The following INTS7 variants were observed in gnomAD, a reference collection of about 807,000 sequenced individuals.
INTS7 encodes integrator complex subunit 7, also known as chromosome 1 open reading frame 73.
INTS7 carries 46 observed loss-of-function variants against 109.2 expected under a neutral mutation model. That is an observed-to-expected ratio of 0.42 (90% CI 0.33 to 0.54). The LOEUF is 0.54. Ranked by LOEUF, INTS7 falls within the 20% of genes least tolerant of loss-of-function variation. INTS7 has a pLI of 0.07. For synonymous variants in INTS7, 412 were observed against 402.9 expected (o/e 1.02, Z -0.27); for missense variants, 929 against 1,132.4 (o/e 0.82, Z 2.58).
intron 3 of INTS7, among the ~76,000 whole-genome samples, chr1:212,019,406 G>A (rs944701203): frequency 6.6e-6 from 1 of 152,130 alleles, no homozygotes; most frequent in African/African-American, 2.4e-5. Flanking sequence ...CAAGAAGGAA[G>A]AACTGATTCC....
At chr1:211,973,388 A>G (rs750519164) in intron 13 of INTS7, among the ~76,000 whole-genome samples, 1 of 152,276 alleles carries the variant, frequency 6.6e-6, no homozygotes, top group South Asian at 2.1e-4. Context: ...AAGAAATAAG[A>G]CAACTCTATC....
chr1:211,970,459 A>C (rs1221023157), intron 13 of INTS7, among the ~76,000 whole-genome samples: 1 of 152,248 alleles, frequency 6.6e-6, no homozygotes, highest in Non-Finnish European at 1.5e-5. Flanking sequence ...ATACTATCTC[A>C]CATTAGTCTT....
chr1:211,940,564 A>G lies in INTS7; in HGVS notation c.*1260T>C, dbSNP rs931141940. The G allele has an allele frequency of 2.6e-5, 4 of 152,172 alleles. No individual in the cohort carries two copies. Among genetic ancestry groups the G allele is most frequent in the African/African-American group, 7.2e-5 (3 of 41,450 alleles). 9.4% of individuals were successfully genotyped at this position (152,172 alleles called of 1,614,324 possible). A position where few individuals can be genotyped will look rare whatever the true frequency, so the allele number is the denominator to read the frequency against. On this transcript the variant is annotated 3_prime_UTR_variant, in exon 20 of 20. Transcript: ENST00000366994. ...ATCCTGAAGCCCTAAATGATCCCCAATCAAAAAGCAGTTAAGTTATATCTA... is the reference window on the plus strand; with the variant it reads ...ATCCTGAAGCCCTAAATGATCCCCAGTCAAAAAGCAGTTAAGTTATATCTA...
chr1:211,973,137 G>T (rs949711999), intron 13 of INTS7, among the ~76,000 whole-genome samples: 3 of 152,048 alleles, frequency 2.0e-5, no homozygotes, highest in Non-Finnish European at 4.4e-5. Flanking sequence ...GTAGAGACGG[G>T]GTTTTCCAAC....
At chr1:212,028,556 G>A (rs745613050) in intron 1 of INTS7, among the ~76,000 whole-genome samples, 8 of 152,168 alleles carry the variant, frequency 5.3e-5, no homozygotes, top group Non-Finnish European at 1.2e-4. Context: ...AACCTTGGAT[G>A]TGAATTTAAA....
chr1:212,016,152 C>T (rs1666432442), intron 4 of INTS7, among the ~76,000 whole-genome samples: 1 of 152,140 alleles, frequency 6.6e-6, no homozygotes, highest in Non-Finnish European at 1.5e-5. Flanking sequence ...TTACAAGTAA[C>T]ACTACAACCA....
chr1:211,990,549 T>C (rs185360236), intron 7 of INTS7, among the ~76,000 whole-genome samples: 347 of 152,276 alleles, frequency 2.3e-3, no homozygotes, highest in African/African-American at 7.3e-3. Flanking sequence ...TTTTTTGTCA[T>C]ATACATGAAT....
At chr1:211,943,298 CTT>C (rs1662711763) in intron 19 of INTS7, among the ~76,000 whole-genome samples, 1 of 151,568 alleles carries the variant, frequency 6.6e-6, no homozygotes, top group South Asian at 2.1e-4. Context: ...ATCAATGCCT[CTT>C]GAGAGGTAGG....
In INTS7 at chr1:211,997,531, A is replaced by AG. The variant is rs1665457364; in HGVS notation, c.879+9107_879+9108insC. ...GAGTGAAACCTATCTCCAAACAGAA[A>AG]AAAAAAAAAAAAAAAAAAAGGGAGA... On this transcript the variant is annotated intron_variant, in intron 7 of 19. Transcript: ENST00000366994. Among the ~76,000 whole-genome samples, 3 of 142,068 alleles carry AG rather than the reference A, an allele frequency of 2.1e-5. No homozygotes were observed. The South Asian group carries it at 6.5e-4, about 31-fold the overall frequency. The allele number at this position is 142,068 out of a possible 152,430, so 93.2% of individuals were successfully genotyped here.
chr1:211,951,785 T>C (rs1419613250), intron 17 of INTS7, among the ~76,000 whole-genome samples: 1 of 152,234 alleles, frequency 6.6e-6, no homozygotes, highest in Non-Finnish European at 1.5e-5. Context: ...GAGAAATAAA[T>C]GTCTGTTGTT....
At chr1:211,987,801 C>A in intron 8 of INTS7, 85 bp downstream of exon 8, 1 of 723,116 alleles carries the variant, frequency 1.4e-6, no homozygotes, top group East Asian at 2.8e-5. Context: ...GATGTTAAAG[C>A]TTTATAGAAG....
intron 1 of INTS7, among the ~76,000 whole-genome samples, chr1:212,026,759 G>A (rs1666941845): frequency 6.6e-6 from 1 of 152,190 alleles, no homozygotes; most frequent in Non-Finnish European, 1.5e-5. Context: ...ACTGTCAGTA[G>A]CTGAGTTAGA....
At chr1:211,987,649 T>C (rs1401336603) in intron 8 of INTS7, among the ~76,000 whole-genome samples, 1 of 150,606 alleles carries the variant, frequency 6.6e-6, no homozygotes, top group Non-Finnish European at 1.5e-5. Context: ...CACATATAAT[T>C]CAAAAAAAAA....
intron 1 of INTS7, among the ~76,000 whole-genome samples, chr1:212,022,833 T>G (rs1281771455): frequency 6.6e-6 from 1 of 152,216 alleles, no homozygotes; most frequent in African/African-American, 2.4e-5. Flanking sequence ...GGGGTACGCA[T>G]GATCCCATTA....
At chr1:211,965,477 A>G (rs777044726) in intron 16 of INTS7, among the ~76,000 whole-genome samples, 18 of 152,232 alleles carry the variant, frequency 1.2e-4, no homozygotes, top group Non-Finnish European at 2.4e-4. Flanking sequence ...AAATCATTCT[A>G]TCATAAAGAC....
At chr1:211,985,945 AGGTATATGGTACGT>A (rs756198111) in intron 8 of INTS7, among the ~76,000 whole-genome samples, 7 of 152,238 alleles carry the variant, frequency 4.6e-5, no homozygotes, top group Non-Finnish European at 1.0e-4. Flanking sequence ...AAAGCACCCT[AGGTATATGGTACGT>A]TGTTTATAAA....
intron 13 of INTS7, among the ~76,000 whole-genome samples, chr1:211,970,385 A>C (rs1391412282): frequency 6.6e-6 from 1 of 152,234 alleles, no homozygotes; most frequent in Non-Finnish European, 1.5e-5. Flanking sequence ...CAATAAACAG[A>C]GGCATAGTGA....
At chr1:212,023,718 T>C (rs186340930) in intron 1 of INTS7, among the ~76,000 whole-genome samples, 8 of 152,362 alleles carry the variant, frequency 5.3e-5, no homozygotes, top group Admixed American at 1.3e-4. Context: ...ATAGTTTCTT[T>C]TGCTGTGCAG....
At chr1:211,984,349 A>ACT (rs138334569) in intron 8 of INTS7, among the ~76,000 whole-genome samples, 6,977 of 152,074 alleles carry the variant, frequency 0.046, 224 homozygotes, top group African/African-American at 0.084. Context: ...ACCATAGAAA[A>ACT]CTCAGAAAAA....
Sources: allele counts gnomAD v4.1 joint callset (sites outside exome capture counted in the v4.1 genomes callset), GRCh38; gene constraint gnomAD v4.1.1; transcripts MANE v1.5; gene names NCBI Gene and HGNC (gene_info 2026-07-23, HGNC 2026-07-21).